The following SLC16A12 variants were observed in gnomAD, a reference collection of about 807,000 sequenced individuals.
SLC16A12 encodes solute carrier family 16 member 12.
In SLC16A12, 17 loss-of-function variants were observed where a neutral mutation model predicts 42.4. That is an observed-to-expected ratio of 0.40 (90% CI 0.27 to 0.60). The LOEUF (loss-of-function observed/expected upper bound fraction) is 0.60, where lower values mean the gene tolerates loss of function less well. Among genes scored for constraint, SLC16A12 ranks in the 20% least tolerant of loss-of-function variants. SLC16A12 has a pLI of 0.42. For synonymous variants in SLC16A12, 224 were observed against 229.4 expected, an observed-to-expected ratio of 0.98 and a Z score of 0.21; for missense variants, 544 against 623.0, an observed-to-expected ratio of 0.87 and a Z score of 1.35.
At position 89,441,094 on chromosome 10, in the gene SLC16A12, C is replaced by T; in HGVS notation, c.448+14G>A. ...ATGGAGTGGGGTGAGACAGGTGGTACAAAGTGCCCTTACCTGTAAGAACTC... is the reference window on the plus strand; with the variant it reads ...ATGGAGTGGGGTGAGACAGGTGGTATAAAGTGCCCTTACCTGTAAGAACTC... On this transcript the variant is annotated intron_variant, in intron 5 of 7. Transcript: ENST00000371790. 1 of 1,613,700 alleles carries T rather than the reference C, an allele frequency of 6.2e-7. No homozygotes were observed. Among genetic ancestry groups the T allele is most frequent in the Non-Finnish European group, 8.5e-7 (1 of 1,179,734 alleles).
upstream of SLC16A12, among the ~76,000 whole-genome samples, chr10:89,537,634 C>G (rs1204346913): frequency 1.3e-5 from 2 of 152,120 alleles, no homozygotes; most frequent in African/African-American, 4.8e-5. Context: ...CCGTGAAGGT[C>G]TTTAGGTTAA....
intron 2 of SLC16A12, among the ~76,000 whole-genome samples, chr10:89,470,112 T>G (rs1842469954): frequency 6.6e-6 from 1 of 152,210 alleles, no homozygotes; most frequent in Non-Finnish European, 1.5e-5. Flanking sequence ...AGAAGCCTAT[T>G]GCTGTAGGGA....
intron 2 of SLC16A12, among the ~76,000 whole-genome samples, chr10:89,486,591 CAAAAA>C (rs374359325): frequency 1.2e-4 from 5 of 42,850 alleles, no homozygotes; most frequent in Non-Finnish European, 1.9e-4. Flanking sequence ...AACCTTGTCT[CAAAAA>C]AAAAAAAAAA....
Position 89,502,838 on chromosome 10 carries a change from C to T in SLC16A12, c.-47+31663G>A, listed in dbSNP as rs1289080319. 3.3e-5 allele frequency among the ~76,000 whole-genome samples: 5 copies of T among 152,198 alleles called. No individual in the cohort carries two copies. In the South Asian group the frequency reaches 1.0e-3, roughly 32 times the overall value. ...GATCAGGAATTCCCCAACTTCATGTCAACTAGGCTTCCATCTGTCCAAGGA... is the reference window on the plus strand; with the variant it reads ...GATCAGGAATTCCCCAACTTCATGTTAACTAGGCTTCCATCTGTCCAAGGA... On this transcript the variant is annotated intron_variant, in intron 2 of 7. Coordinates refer to ENST00000371790, the MANE Select transcript of SLC16A12 (RefSeq NM_213606.4).
chr10:89,489,997 C>T lies in SLC16A12; in HGVS notation c.-46-27373G>A, dbSNP rs183754529. On this transcript the variant is annotated intron_variant, in intron 2 of 7. Transcript: ENST00000371790. Reference sequence around the variant, plus strand: ...TAAAACATTAGCATCCATAATGCTACATAAACTCTGTTCACTTGAAAATCA... The same window carrying T: ...TAAAACATTAGCATCCATAATGCTATATAAACTCTGTTCACTTGAAAATCA... 2.4e-4 allele frequency among the ~76,000 whole-genome samples: 36 copies of T among 152,274 alleles called. No individual in the cohort carries two copies. In the East Asian group the frequency reaches 6.8e-3, roughly 29 times the overall value.
At chr10:89,553,443 A>G (rs1843783556) in intron 2 of SLC16A12, among the ~76,000 whole-genome samples, 1 of 152,248 alleles carries the variant, frequency 6.6e-6, no homozygotes, top group South Asian at 2.1e-4. Context: ...ATTGCCAACT[A>G]GCATGACTCA....
chr10:89,455,495 A>G (rs1842174475), intron 3 of SLC16A12, among the ~76,000 whole-genome samples: 1 of 152,224 alleles, frequency 6.6e-6, no homozygotes, highest in Non-Finnish European at 1.5e-5. Context: ...TCTAATAACC[A>G]CATACAGGCT....
chr10:89,449,349 T>C (rs1158817455), intron 3 of SLC16A12, among the ~76,000 whole-genome samples: 1 of 152,182 alleles, frequency 6.6e-6, no homozygotes, highest in Non-Finnish European at 1.5e-5. Context: ...GCTACCTGAC[T>C]TCAAGCTGTA....
intron 2 of SLC16A12, among the ~76,000 whole-genome samples, chr10:89,523,124 G>C (rs577806105): frequency 6.6e-6 from 1 of 151,960 alleles, no homozygotes; most frequent in Non-Finnish European, 1.5e-5. Flanking sequence ...CTTTTCACTG[G>C]GTTCTCCTTA....
At position 89,438,588 on chromosome 10, in the gene SLC16A12, G is replaced by A; in HGVS notation, c.1028+16C>T. ...GTCCCCTGGTGGGGAACCAATTGTG[G>A]TTTCATGAATTTTACCTTCTGTCGG... On this transcript the variant is annotated intron_variant, in intron 6 of 7. Transcript: ENST00000371790. 1 of 1,612,212 alleles carries A rather than the reference G, an allele frequency of 6.2e-7. No homozygotes were observed. The highest frequency in any genetic ancestry group is 8.5e-7 in the Non-Finnish European group (1 of 1,178,864).
chr10:89,453,517 C>T (rs1286701783), intron 3 of SLC16A12, among the ~76,000 whole-genome samples: 2 of 152,120 alleles, frequency 1.3e-5, no homozygotes, highest in Non-Finnish European at 2.9e-5. Flanking sequence ...TGTTTATATA[C>T]ACAAGCACTT....
At chr10:89,519,736 T>TG (rs1192550102) in intron 2 of SLC16A12, among the ~76,000 whole-genome samples, 15 of 149,286 alleles carry the variant, frequency 1.0e-4, no homozygotes, top group South Asian at 2.2e-4. Context: ...TTGCAGGGGG[T>TG]GGGGGGGTCC....
chr10:89,527,459 G>A (rs1488334608), intron 2 of SLC16A12, among the ~76,000 whole-genome samples: 1 of 151,678 alleles, frequency 6.6e-6, no homozygotes, highest in African/African-American at 2.4e-5. Context: ...CTCCAGTCTG[G>A]GTGAAAGAGT....
intron 3 of SLC16A12, among the ~76,000 whole-genome samples, chr10:89,452,006 A>G (rs889289788): frequency 2.0e-5 from 3 of 152,236 alleles, no homozygotes; most frequent in Non-Finnish European, 4.4e-5. Context: ...ACCTGCTTCA[A>G]ATGCAGAAAG....
chr10:89,475,630 G>A (rs562515030), intron 2 of SLC16A12, among the ~76,000 whole-genome samples: 2 of 151,998 alleles, frequency 1.3e-5, no homozygotes, highest in African/African-American at 2.4e-5. Context: ...TCCTGGTAAC[G>A]GGAGTAAATA....
rs369226813 is a variant in SLC16A12, at chr10:89,499,489, G to T, written c.-47+35012C>A. ...GAATCACTTGAACCTGGGAGGTGGA[G>T]GTTACGGTGAGCCCAGATCCTGCAA... On this transcript the variant is annotated intron_variant, in intron 2 of 7. Coordinates refer to ENST00000371790, the MANE Select transcript of SLC16A12 (RefSeq NM_213606.4). Among the ~76,000 whole-genome samples the T allele has an allele frequency of 1.2e-4, 18 of 152,244 alleles. No homozygotes were observed. In the East Asian group the frequency reaches 3.3e-3, roughly 28 times the overall value.
rs1389791013 is a variant in SLC16A12, at chr10:89,535,514, A to T, written c.-259T>A. On this transcript the variant is annotated 5_prime_UTR_variant, in exon 1 of 8. Transcript: ENST00000371790. ...GGGGAGCCGAGGAAGCTTCTTGGCC[A>T]GGGCGCTGGGGATCCGGGAGCGGGG... 1.3e-5 allele frequency: 2 copies of T among 152,988 alleles called. No homozygotes were observed. Among genetic ancestry groups the T allele is most frequent in the Non-Finnish European group, 2.9e-5 (2 of 68,748 alleles). The allele number at this position is 152,988 out of a possible 1,614,324, so 9.5% of individuals were successfully genotyped here.
rs1841783486 is a variant in SLC16A12, at chr10:89,436,210, A to G, written c.1138T>C (p.Ser380Pro). The G allele has an allele frequency of 6.2e-7, 1 of 1,614,056 alleles. No individual in the cohort carries two copies. The highest frequency in any genetic ancestry group is 1.3e-5 in the African/African-American group (1 of 74,934). ...LQSLPLLVPF[S>P]CTFGYFDGAY... Reference sequence around the variant, plus strand: ...CCATCAAAGTAGCCAAAGGTACAAGAGAAAGGCACGAGCAGAGGGAGACTT... The same window carrying G: ...CCATCAAAGTAGCCAAAGGTACAAGGGAAAGGCACGAGCAGAGGGAGACTT... Residue 380 changes from serine (S) to proline (P), a missense_variant, in exon 7 of 8, where the codon TCT becomes CCT. Physicochemically the swap from Ser to Pro is moderately conservative, Grantham distance 74. Coordinates refer to ENST00000371790, the MANE Select transcript of SLC16A12 (RefSeq NM_213606.4).
chr10:89,503,566 C>T (rs1843018041), intron 2 of SLC16A12, among the ~76,000 whole-genome samples: 1 of 152,168 alleles, frequency 6.6e-6, no homozygotes, highest in Non-Finnish European at 1.5e-5. Context: ...GGGCATGGAG[C>T]ATATGAATTT....
Sources: gnomAD v4.1 joint callset for allele counts (sites outside exome capture counted in the v4.1 genomes callset) on GRCh38, gnomAD v4.1.1 for gene constraint, MANE v1.5 for transcripts, NCBI Gene and HGNC (gene_info 2026-07-23, HGNC 2026-07-21) for gene names.